The following CCNB2 variants were observed in gnomAD, a reference collection of about 807,000 sequenced individuals.
CCNB2 encodes G2/mitotic-specific cyclin-B2.
CCNB2 carries 39 observed loss-of-function variants against 51.1 expected under a neutral mutation model. The ratio of observed to expected loss-of-function variants is 0.76; its 90% CI spans 0.59 to 1.00. The LOEUF (loss-of-function observed/expected upper bound fraction) is 1.00, where lower values mean the gene tolerates loss of function less well. Ranked by LOEUF, CCNB2 falls within the 50% of genes least tolerant of loss-of-function variation. The probability of loss-of-function intolerance (pLI) is 0.00; values close to 1 mark genes in which losing one functional copy is unlikely to be tolerated. For synonymous variants in CCNB2, 174 were observed against 165.5 expected (o/e 1.05, Z -0.40); for missense variants, 472 against 470.3 (o/e 1.00, Z -0.03).
At position 59,113,044 on chromosome 15, in the gene CCNB2, AC is replaced by A. The variant is rs1329190672; in HGVS notation, c.268-1399del. Among the ~76,000 whole-genome samples, 5 of 152,120 alleles carry A rather than the reference AC, an allele frequency of 3.3e-5. 1 individual carries two copies. The highest frequency in any genetic ancestry group is 1.3e-4 in the Admixed American group (2 of 15,282). ...GCGAGACTCCATCTCAAAAAAAAAAACATTTAAAAAAGCAAAGATTTTTTTA... is the reference window on the plus strand; with the variant it reads ...GCGAGACTCCATCTCAAAAAAAAAAAATTTAAAAAAGCAAAGATTTTTTTA... On this transcript the variant is annotated intron_variant, in intron 3 of 8. Transcript: ENST00000288207.
chr15:59,122,008 C>G (rs1427697478), intron 7 of CCNB2, among the ~76,000 whole-genome samples: 3 of 135,472 alleles, frequency 2.2e-5, no homozygotes, highest in African/African-American at 8.4e-5. Flanking sequence ...GTTTCAGCTA[C>G]TAGGGAGGTT....
chr15:59,108,469 C>A (rs926773671), intron 3 of CCNB2, among the ~76,000 whole-genome samples: 1 of 152,250 alleles, frequency 6.6e-6, no homozygotes, highest in South Asian at 2.1e-4. Flanking sequence ...CTTCCCTAAG[C>A]GCCTACCCAT....
At chr15:59,116,563 TC>T in intron 5 of CCNB2, 126 bp from the exon 6 acceptor site, 2 of 687,808 alleles carry the variant, frequency 2.9e-6, no homozygotes, top group Non-Finnish European at 5.2e-6. Context: ...AACAGTCAGG[TC>T]TCCTGTGCCC....
chr15:59,123,290 T>C (rs2079311158), intron 7 of CCNB2, among the ~76,000 whole-genome samples: 1 of 152,202 alleles, frequency 6.6e-6, no homozygotes. Context: ...TGGCACTTGA[T>C]TTAGTCTGGT....
chr15:59,123,374 G>C, intron 7 of CCNB2, 143 bp from the exon 8 acceptor site: 1 of 604,054 alleles, frequency 1.7e-6, no homozygotes, highest in South Asian at 2.1e-5. Context: ...TTAGGGCTTT[G>C]ATTGAATTTC....
chr15:59,121,101 A>C (rs1191183263), intron 7 of CCNB2: 1 of 152,210 alleles, frequency 6.6e-6, no homozygotes, highest in African/African-American at 2.4e-5. Context: ...ATAGGTACGA[A>C]AACGTACTTT....
chr15:59,110,233 C>A (rs537850280), intron 3 of CCNB2, among the ~76,000 whole-genome samples: 1 of 152,026 alleles, frequency 6.6e-6, no homozygotes, highest in South Asian at 2.1e-4. Flanking sequence ...TGCTTCCTGG[C>A]AAAATTGAGG....
rs1411429897 is a variant in CCNB2 at position 59,105,430 on chromosome 15, G to A, written c.24+138G>A. 5.0e-6 allele frequency: 5 copies of A among 998,440 alleles called. No homozygotes were observed. In the African/African-American group the frequency reaches 6.4e-5, roughly 13 times the overall value. The allele number at this position is 998,440 out of a possible 1,614,324, so 61.8% of individuals were successfully genotyped here. On this transcript the variant is annotated intron_variant, in intron 1 of 8. Coordinates refer to ENST00000288207, the MANE Select transcript of CCNB2 (RefSeq NM_004701.4). ...TTCTCCGGAGCTCACTGCTTCGCCC[G>A]CGTCCCTGGCCCTGCGGCCGGTCCT...
At chr15:59,107,286 T>G (rs1204973608) in intron 1 of CCNB2, 36 bp from the exon 2 acceptor site, 2 of 1,556,070 alleles carry the variant, frequency 1.3e-6, no homozygotes, top group African/African-American at 1.4e-5. Context: ...TTTCAAATTC[T>G]TTCAAGGTTT....
intron 6 of CCNB2, 110 bp from the exon 7 acceptor site, chr15:59,117,118 G>C: frequency 8.6e-7 from 1 of 1,168,844 alleles, no homozygotes; most frequent in East Asian, 2.4e-5. Context: ...AGTAATTCTT[G>C]AGAAGGATAA....
At chr15:59,116,993 A>G (rs1044971485) in intron 6 of CCNB2, 67 bp downstream of exon 6, 1 of 1,316,324 alleles carries the variant, frequency 7.6e-7, no homozygotes, top group African/African-American at 1.5e-5. Context: ...CCTTGACCTA[A>G]TTTAAGGAAA....
chr15:59,108,096 G>A (rs28615244), intron 3 of CCNB2, among the ~76,000 whole-genome samples: 5,816 of 152,294 alleles, frequency 0.038, 233 homozygotes, highest in African/African-American at 0.099. Context: ...CATGGAATGA[G>A]TGAGATTTTT....
rs368290983 is a variant in CCNB2 at position 59,105,340 on chromosome 15, C to A, written c.24+48C>A. On this transcript the variant is annotated intron_variant, in intron 1 of 8. Transcript: ENST00000288207. Reference sequence around the variant, plus strand: ...CTCAGAGGCGAGTCCGTCGGCCCCACAGCTCCCCTGTCGCTTCTCTCATCT... The same window carrying A: ...CTCAGAGGCGAGTCCGTCGGCCCCAAAGCTCCCCTGTCGCTTCTCTCATCT... The A allele has an allele frequency of 2.4e-5, 37 of 1,535,628 alleles. No individual in the cohort carries two copies. In the African/African-American group the frequency reaches 4.4e-4, roughly 18 times the overall value.
At chr15:59,115,174 T>C (rs901550884) in intron 5 of CCNB2, among the ~76,000 whole-genome samples, 1 of 152,156 alleles carries the variant, frequency 6.6e-6, no homozygotes, top group African/African-American at 2.4e-5. Flanking sequence ...TGAAAGTCCA[T>C]CTGAAGCCTG....
intron 7 of CCNB2, among the ~76,000 whole-genome samples, chr15:59,120,542 C>A (rs1412122149): frequency 2.6e-5 from 4 of 151,862 alleles, no homozygotes; most frequent in African/African-American, 9.7e-5. Context: ...AGAATAATGA[C>A]AGTAATAGAT....
Position 59,124,963 on chromosome 15 carries a change from G to GTC in CCNB2, c.*88_*89dup. 4.1e-6 allele frequency: 3 copies of GTC among 727,130 alleles called. No homozygotes were observed. The highest frequency in any genetic ancestry group is 6.5e-6 in the Non-Finnish European group (3 of 459,810). 45.0% of individuals were successfully genotyped at this position (727,130 alleles called of 1,614,324 possible). A position where few individuals can be genotyped will look rare whatever the true frequency, so the allele number is the denominator to read the frequency against. On this transcript the variant is annotated 3_prime_UTR_variant, in exon 9 of 9. Coordinates refer to ENST00000288207, the MANE Select transcript of CCNB2 (RefSeq NM_004701.4). ...TCTTGATTTTGTACATAGTCCTCTGGTCTATCTCATGAAACCTCTTCTCAG... is the reference window on the plus strand; with the variant it reads ...TCTTGATTTTGTACATAGTCCTCTGGTCTCTATCTCATGAAACCTCTTCTCAG...
At chr15:59,105,668 T>TA (rs1297028960) in intron 1 of CCNB2, among the ~76,000 whole-genome samples, 2 of 152,196 alleles carry the variant, frequency 1.3e-5, no homozygotes, top group African/African-American at 4.8e-5. Context: ...CCCCCTTTCT[T>TA]ACAACTCCTT....
intron 7 of CCNB2, among the ~76,000 whole-genome samples, chr15:59,122,898 A>C (rs2079309225): frequency 6.6e-6 from 1 of 152,100 alleles, no homozygotes; most frequent in Non-Finnish European, 1.5e-5. Context: ...TTTTACTTGA[A>C]TTTTACTCTT....
chr15:59,112,798 G>A (rs1489950778), intron 3 of CCNB2, among the ~76,000 whole-genome samples: 3 of 151,638 alleles, frequency 2.0e-5, no homozygotes, highest in African/African-American at 7.3e-5. Flanking sequence ...ACTTTGGGAG[G>A]CCGAGGTGGG....
Sources: gnomAD v4.1 joint callset for allele counts (sites outside exome capture counted in the v4.1 genomes callset) on GRCh38, gnomAD v4.1.1 for gene constraint, MANE v1.5 for transcripts, NCBI Gene and HGNC (gene_info 2026-07-23, HGNC 2026-07-21) for gene names.